Variants in XKR4 observed in about 807,000 individuals in gnomAD.
XKR4 encodes XK-related protein 4.
A neutral mutation model predicts 53.9 loss-of-function variants in XKR4; 12 were observed. The observed-to-expected ratio is 0.22, with a 90% CI of 0.14 to 0.36. The LOEUF (loss-of-function observed/expected upper bound fraction) is 0.36. XKR4 is among the 10% of genes least tolerant of loss of function. XKR4 has a pLI of 1.00. For synonymous variants in XKR4, 354 were observed against 362.4 expected (o/e 0.98, Z 0.26); for missense variants, 799 against 859.5 (o/e 0.93, Z 0.88).
Position 55,539,748 on chromosome 8 carries a change from T to C in XKR4, c.*15521T>C, listed in dbSNP as rs1312917262. The C allele has an allele frequency of 1.3e-5, 2 of 152,194 alleles. No homozygotes were observed. The highest frequency in any genetic ancestry group is 2.9e-5 in the Non-Finnish European group (2 of 68,050). The allele number at this position is 152,194 out of a possible 1,614,324, so 9.4% of individuals were successfully genotyped here. A position where few individuals can be genotyped will look rare whatever the true frequency, so the allele number is the denominator to read the frequency against. On this transcript the variant is annotated 3_prime_UTR_variant, in exon 3 of 3. Transcript: ENST00000327381. ...CAGAAATGCAGCAGAATATCCTTTT[T>C]GCTATAAAGGAAAATACTGTGTTTT...
Position 55,525,383 on chromosome 8 carries a change from A to G in XKR4, c.*1156A>G, listed in dbSNP as rs1806868782. 6.6e-6 allele frequency: 1 copy of G among 152,632 alleles called. No homozygotes were observed. The highest frequency in any genetic ancestry group is 1.5e-5 in the Non-Finnish European group (1 of 68,046). The allele number at this position is 152,632 out of a possible 1,614,324, so 9.5% of individuals were successfully genotyped here. On this transcript the variant is annotated 3_prime_UTR_variant, in exon 3 of 3. Transcript: ENST00000327381. ...CTGTGTACAGACTTTTCCTCCCCCC[A>G]ATCCAAGGTCAAAGTGATGTGTCTT... is the stretch of plus-strand genomic sequence containing the variant.
intron 1 of XKR4, among the ~76,000 whole-genome samples, chr8:55,199,910 A>T (rs555626029): frequency 1.3e-5 from 2 of 152,306 alleles, no homozygotes; most frequent in Admixed American, 6.5e-5. Flanking sequence ...AGATGAAGAA[A>T]CCAAAGCTTA....
intron 2 of XKR4, among the ~76,000 whole-genome samples, chr8:55,361,732 T>C (rs1172671723): frequency 6.6e-6 from 1 of 152,072 alleles, no homozygotes; most frequent in Non-Finnish European, 1.5e-5. Context: ...CACAGCCTTC[T>C]CCTCATTAGT....
chr8:55,463,264 T>C (rs1038296544), intron 2 of XKR4, among the ~76,000 whole-genome samples: 1 of 152,132 alleles, frequency 6.6e-6, no homozygotes, highest in Non-Finnish European at 1.5e-5. Flanking sequence ...ACACAAATTA[T>C]AACCAACTGT....
intron 1 of XKR4, among the ~76,000 whole-genome samples, chr8:55,328,881 C>T (rs1327349801): frequency 2.0e-5 from 3 of 152,110 alleles, no homozygotes; most frequent in Admixed American, 2.0e-4. Context: ...AATTTACCAC[C>T]AACACCCACC....
intron 1 of XKR4, among the ~76,000 whole-genome samples, chr8:55,192,767 T>A (rs374958691): frequency 1.3e-5 from 2 of 152,152 alleles, no homozygotes; most frequent in East Asian, 1.9e-4. Flanking sequence ...TGAGAACACA[T>A]GAAAATGAAC....
rs935475161 is a variant in XKR4 at position 55,239,226 on chromosome 8, G to A, written c.807-118452G>A. ...AAAACACTATTAGCTTCACCATTCT[G>A]TGTTAGGTAGAGATGTCATGAATTT... On this transcript the variant is annotated intron_variant, in intron 1 of 2. Coordinates refer to ENST00000327381, the MANE Select transcript of XKR4 (RefSeq NM_052898.2). Among the ~76,000 whole-genome samples, 6 of 152,196 alleles carry A rather than the reference G, an allele frequency of 3.9e-5. No homozygotes were observed. In the South Asian group the frequency reaches 8.3e-4, roughly 21 times the overall value.
chr8:55,199,945 G>A (rs950627346), intron 1 of XKR4, among the ~76,000 whole-genome samples: 8 of 152,190 alleles, frequency 5.3e-5, no homozygotes, highest in Non-Finnish European at 1.0e-4. Context: ...CTTGCCTGAG[G>A]TCAGGTAGCT....
chr8:55,449,472 C>T (rs963801432), intron 2 of XKR4: 6 of 996,558 alleles, frequency 6.0e-6, no homozygotes, highest in African/African-American at 1.6e-5. Context: ...TGGTCGGTAA[C>T]GACTGGAAGC....
intron 2 of XKR4, among the ~76,000 whole-genome samples, chr8:55,366,275 C>T (rs1033565916): frequency 3.3e-5 from 5 of 152,224 alleles, no homozygotes; most frequent in African/African-American, 1.2e-4. Context: ...AGGGAGCTGG[C>T]ACACACTTCC....
rs1050038803 is a variant in XKR4 at position 55,530,062 on chromosome 8, T to C, written c.*5835T>C. ...CCAATTAAGCAGACTGAAAAAAAAC[T>C]AAACCCCATTACTTACTTTGGCATT... is the stretch of plus-strand genomic sequence containing the variant. On this transcript the variant is annotated 3_prime_UTR_variant, in exon 3 of 3. Coordinates refer to ENST00000327381, the MANE Select transcript of XKR4 (RefSeq NM_052898.2). 1.3e-5 allele frequency: 2 copies of C among 148,958 alleles called. No individual in the cohort carries two copies. The highest frequency in any genetic ancestry group is 5.0e-5 in the African/African-American group (2 of 40,272). The allele number at this position is 148,958 out of a possible 1,614,324, so 9.2% of individuals were successfully genotyped here.
chr8:55,327,677 C>T (rs1291907485), intron 1 of XKR4, among the ~76,000 whole-genome samples: 2 of 152,156 alleles, frequency 1.3e-5, no homozygotes, highest in African/African-American at 4.8e-5. Context: ...ATAAGTATAG[C>T]ATGTCTTTTC....
At chr8:55,302,389 G>T (rs1366727457) in intron 1 of XKR4, among the ~76,000 whole-genome samples, 95 of 151,912 alleles carry the variant, frequency 6.3e-4, no homozygotes, top group Non-Finnish European at 8.7e-4. Context: ...TGCTGTTTTG[G>T]TTACTGTAGC....
intron 1 of XKR4, among the ~76,000 whole-genome samples, chr8:55,338,210 T>A (rs1254274631): frequency 1.3e-5 from 2 of 152,242 alleles, no homozygotes; most frequent in Admixed American, 1.3e-4. Context: ...AAAATTTGCA[T>A]CTTTTATTTG....
intron 1 of XKR4, among the ~76,000 whole-genome samples, chr8:55,184,652 C>T (rs143082384): frequency 7.4e-4 from 113 of 152,274 alleles, no homozygotes; most frequent in African/African-American, 2.5e-3. Context: ...ATCTCTGTGC[C>T]ACGCTGGGTT....
intron 2 of XKR4, among the ~76,000 whole-genome samples, chr8:55,486,409 T>G (rs1806191494): frequency 2.0e-5 from 3 of 152,246 alleles, no homozygotes; most frequent in Non-Finnish European, 4.4e-5. Flanking sequence ...AATGTTCTTA[T>G]ATACAAAGTC....
Position 55,523,985 on chromosome 8 carries a change from C to T in XKR4, c.1711C>T (p.Pro571Ser). The change falls in exon 3 of 3, where the codon CCT becomes TCT. Residue 571 changes from proline (P) to serine (S), a missense_variant. Around this residue, in one of 3 missense-constraint regions of XKR4, gnomAD observed 269 missense variants for 264.4 expected, o/e 1.02. Transcript: ENST00000327381. Reference sequence around the variant, plus strand: ...ATTCGCAGAGCGGGATGGGTGTGTACCTGTCTTTCAAGTGAGGCCCACTGC... The same window carrying T: ...ATTCGCAGAGCGGGATGGGTGTGTATCTGTCTTTCAAGTGAGGCCCACTGC... ...QKFAERDGCV[P>S]VFQVRPTAPS... 4 of 1,614,150 alleles carry T rather than the reference C, an allele frequency of 2.5e-6. No individual in the cohort carries two copies. In the South Asian group the frequency reaches 4.4e-5, roughly 18 times the overall value.
intron 1 of XKR4, among the ~76,000 whole-genome samples, chr8:55,349,285 A>C (rs1803693386): frequency 6.6e-6 from 1 of 152,196 alleles, no homozygotes; most frequent in South Asian, 2.1e-4. Flanking sequence ...GTCTCTCAGC[A>C]AAAAAGTACG....
chr8:55,438,964 A>G (rs1805225965), intron 2 of XKR4, among the ~76,000 whole-genome samples: 1 of 152,178 alleles, frequency 6.6e-6, no homozygotes, highest in South Asian at 2.1e-4. Context: ...ACCCACATAA[A>G]GCCAGAACCT....
Sources: allele counts gnomAD v4.1 joint callset (sites outside exome capture counted in the v4.1 genomes callset), GRCh38; gene constraint gnomAD v4.1.1; regional missense constraint gnomAD v4.1.1; transcripts MANE v1.5; gene names NCBI Gene and HGNC (gene_info 2026-07-23, HGNC 2026-07-21).